Variants in RAPGEF4 observed in about 807,000 individuals in gnomAD.
RAPGEF4 encodes the protein RAP guanine-nucleotide-exchange factor (GEF) 4.
In RAPGEF4, 66 loss-of-function variants were observed where a neutral mutation model predicts 147.9. The ratio of observed to expected loss-of-function variants is 0.45; its 90% CI spans 0.37 to 0.55. The LOEUF (loss-of-function observed/expected upper bound fraction) is 0.55. Among genes scored for constraint, RAPGEF4 ranks in the 20% least tolerant of loss-of-function variants. The pLI, the probability that RAPGEF4 is intolerant of heterozygous loss-of-function variation, is 0.00. For missense variants in RAPGEF4, 1,071 were observed against 1,257.3 expected, an observed-to-expected ratio of 0.85 and a Z score of 2.24; for synonymous variants, 419 against 442.7, an observed-to-expected ratio of 0.95 and a Z score of 0.67.
In RAPGEF4 at chr2:173,045,547, T is replaced by A. The variant is rs141754327; in HGVS notation, c.2854-3053T>A. Among the ~76,000 whole-genome samples the A allele has an allele frequency of 1.2e-3, 190 of 152,326 alleles. 2 individuals are homozygous for A. The highest frequency in any genetic ancestry group is 4.4e-3 in the African/African-American group (182 of 41,572). On this transcript the variant is annotated intron_variant, in intron 29 of 30. Coordinates refer to ENST00000397081, the MANE Select transcript of RAPGEF4 (RefSeq NM_007023.4). The stretch of plus-strand genomic sequence containing the variant: ...AGTTATATCCAAGTATTTGAAGACT[T>A]GTCCTGTTAAAAAGAAATTAAACAT...
At chr2:172,792,795 C>T (rs1685956801) in intron 1 of RAPGEF4, among the ~76,000 whole-genome samples, 1 of 152,206 alleles carries the variant, frequency 6.6e-6, no homozygotes, top group African/African-American at 2.4e-5. Context: ...GTCTTGACTT[C>T]TGTATTAGTC....
rs1187191996 is a variant in RAPGEF4 at position 173,014,467 on chromosome 2, C to T, written c.1662C>T (p.Tyr554=). Residue 554 remains tyrosine (Y), a synonymous_variant, in exon 18 of 31, where the codon TAC becomes TAT. Transcript: ENST00000397081. ...TQLCPALVAH[Y]HAQPSQGTEQ... The stretch of plus-strand genomic sequence containing the variant: ...TTCTTCCTTGACTCCTCGGCACCTA[C>T]CACGCACAGCCTTCACAAGGTACAG... 4 of 1,613,810 alleles carry T rather than the reference C, an allele frequency of 2.5e-6. No individual in the cohort carries two copies. The South Asian group carries it at 4.4e-5, about 18-fold the overall frequency.
intron 4 of RAPGEF4, among the ~76,000 whole-genome samples, chr2:172,821,184 A>G (rs539217375): frequency 1.3e-5 from 2 of 152,328 alleles, no homozygotes; most frequent in South Asian, 4.1e-4. Context: ...TATCCACCAT[A>G]CTAACAATTT....
intron 3 of RAPGEF4, among the ~76,000 whole-genome samples, chr2:172,804,897 C>T (rs1016319016): frequency 5.3e-5 from 8 of 152,304 alleles, no homozygotes; most frequent in African/African-American, 1.7e-4. Context: ...AAAAAGCTAT[C>T]GGGCTGCAGG....
chr2:173,045,435 A>G (rs1685342771), intron 29 of RAPGEF4, among the ~76,000 whole-genome samples: 1 of 152,266 alleles, frequency 6.6e-6, no homozygotes, highest in South Asian at 2.1e-4. Context: ...GAAGAGAACC[A>G]AAACTGTCTT....
Position 172,858,651 on chromosome 2 carries a change from C to T in RAPGEF4, c.444+44226C>T, listed in dbSNP as rs376580225. 4.6e-5 allele frequency among the ~76,000 whole-genome samples: 7 copies of T among 152,256 alleles called. No homozygotes were observed. The East Asian group carries it at 7.7e-4, about 17-fold the overall frequency. ...GAAGCTATGCAGAGTTTTAAGCAGC[C>T]GAGTGACAAGCCCAGATTTAAATTT... On this transcript the variant is annotated intron_variant, in intron 4 of 30. Transcript: ENST00000397081.
At chr2:172,923,359 C>T (rs1684958836) in intron 6 of RAPGEF4, among the ~76,000 whole-genome samples, 1 of 152,156 alleles carries the variant, frequency 6.6e-6, no homozygotes, top group Non-Finnish European at 1.5e-5. Context: ...ACCTCTGCCT[C>T]CCGGATTCAA....
At chr2:173,000,546 A>C (rs1300671621) in intron 16 of RAPGEF4, among the ~76,000 whole-genome samples, 1 of 152,162 alleles carries the variant, frequency 6.6e-6, no homozygotes, top group Non-Finnish European at 1.5e-5. Context: ...ACCAGCATCA[A>C]ATTCAATGAT....
chr2:172,803,641 A>G (rs944797644), intron 3 of RAPGEF4, among the ~76,000 whole-genome samples: 1 of 152,172 alleles, frequency 6.6e-6, no homozygotes, highest in Admixed American at 6.5e-5. Flanking sequence ...TACTTATGCA[A>G]ATTTCTGTAG....
chr2:172,815,985 G>GT (rs34656839), intron 4 of RAPGEF4, among the ~76,000 whole-genome samples: 52 of 151,800 alleles, frequency 3.4e-4, no homozygotes, highest in African/African-American at 8.7e-4. Context: ...AGCTTTGTTT[G>GT]TTTTTTTTGG....
At chr2:172,996,417 T>C (rs1053720255) in intron 15 of RAPGEF4, 49 bp from the exon 16 acceptor site, 3 of 1,144,144 alleles carry the variant, frequency 2.6e-6, no homozygotes, top group African/African-American at 3.3e-5. Flanking sequence ...GTTTTTTTAA[T>C]GATTTGCCCA....
chr2:172,876,037 C>T (rs1285559987), intron 4 of RAPGEF4, among the ~76,000 whole-genome samples: 3 of 152,124 alleles, frequency 2.0e-5, no homozygotes, highest in Non-Finnish European at 1.5e-5. Context: ...CATGATTTGG[C>T]TCTCTGCTTG....
At chr2:172,995,983 G>A (rs990925909) in intron 15 of RAPGEF4, among the ~76,000 whole-genome samples, 1 of 152,190 alleles carries the variant, frequency 6.6e-6, no homozygotes, top group Non-Finnish European at 1.5e-5. Context: ...GCACATACCA[G>A]TGTACAGTTG....
intron 29 of RAPGEF4, among the ~76,000 whole-genome samples, chr2:173,037,376 G>A (rs1684175730): frequency 6.6e-6 from 1 of 152,114 alleles, no homozygotes; most frequent in African/African-American, 2.4e-5. Context: ...ATCAGCCACT[G>A]CGCCTGGCCT....
intron 1 of RAPGEF4, among the ~76,000 whole-genome samples, chr2:172,782,276 C>G (rs1268659573): frequency 6.6e-6 from 1 of 152,208 alleles, no homozygotes; most frequent in African/African-American, 2.4e-5. Flanking sequence ...TGTTGCTAGT[C>G]CTGGCTGTGC....
At chr2:172,792,636 A>C (rs1485649695) in intron 1 of RAPGEF4, among the ~76,000 whole-genome samples, 1 of 152,160 alleles carries the variant, frequency 6.6e-6, no homozygotes, top group Non-Finnish European at 1.5e-5. Flanking sequence ...CAAGATGAAG[A>C]GCTTTTAAAC....
At chr2:172,992,011 G>T (rs899649773) in intron 15 of RAPGEF4, among the ~76,000 whole-genome samples, 8 of 152,170 alleles carry the variant, frequency 5.3e-5, no homozygotes, top group African/African-American at 1.7e-4. Context: ...CTTGCCCAAG[G>T]TCTCAAAGCT....
chr2:172,928,113 G>T (rs565316797), intron 6 of RAPGEF4: 5 of 437,114 alleles, frequency 1.1e-5, no homozygotes, highest in African/African-American at 2.0e-5. Context: ...CGTAACCCCC[G>T]AGCCAGGACT....
At position 172,947,942 on chromosome 2, in the gene RAPGEF4, T is replaced by A. The variant is rs545434405; in HGVS notation, c.538-12818T>A. On this transcript the variant is annotated intron_variant, in intron 6 of 30. Coordinates refer to ENST00000397081, the MANE Select transcript of RAPGEF4 (RefSeq NM_007023.4). Reference sequence around the variant, plus strand: ...GAATGTCACCACCACCCCAGAAGCCTACCTCATGTTTCCTTCTAGCCACTC... The same window carrying A: ...GAATGTCACCACCACCCCAGAAGCCAACCTCATGTTTCCTTCTAGCCACTC... Among the ~76,000 whole-genome samples the A allele has an allele frequency of 1.1e-4, 16 of 152,328 alleles. No individual in the cohort carries two copies. In the East Asian group the frequency reaches 3.1e-3, roughly 29 times the overall value.
Sources: gnomAD v4.1 joint callset for allele counts (sites outside exome capture counted in the v4.1 genomes callset) on GRCh38, gnomAD v4.1.1 for gene constraint, MANE v1.5 for transcripts, NCBI Gene and HGNC (gene_info 2026-07-23, HGNC 2026-07-21) for gene names.